USP12: variants seen among roughly 807,000 people sequenced by gnomAD.
USP12 encodes the protein ubiquitin carboxyl-terminal hydrolase 12.
Under a neutral mutation model 45.5 loss-of-function variants are expected in USP12, and 19 were observed. That is an observed-to-expected ratio of 0.42 (90% CI 0.29 to 0.61). The LOEUF (loss-of-function observed/expected upper bound fraction) is 0.61, where lower values mean the gene tolerates loss of function less well. Ranked by LOEUF, USP12 falls within the 20% of genes least tolerant of loss-of-function variation. The pLI is 0.22. For missense variants in USP12, 242 were observed against 447.7 expected (o/e 0.54, Z 4.15); for synonymous variants, 149 against 148.8 (o/e 1.00, Z -0.01).
chr13:27,157,320 A>G (rs972974728), intron 1 of USP12, among the ~76,000 whole-genome samples: 6 of 152,188 alleles, frequency 3.9e-5, no homozygotes, highest in Non-Finnish European at 8.8e-5. Flanking sequence ...AAATGGACCT[A>G]AGATCACAAA....
intron 1 of USP12, among the ~76,000 whole-genome samples, chr13:27,158,462 T>C (rs1363952070): frequency 6.6e-6 from 1 of 152,190 alleles, no homozygotes; most frequent in Admixed American, 6.5e-5. Context: ...AGAAATTGAC[T>C]GTTAAGCAAT....
In USP12 at chr13:27,097,181, A is replaced by AT. The variant is rs779802063; in HGVS notation, c.344-1352_344-1351insA. 1.7e-3 allele frequency among the ~76,000 whole-genome samples: 260 copies of AT among 151,174 alleles called. 2 individuals are homozygous for AT. The highest frequency in any genetic ancestry group is 3.0e-3 in the Non-Finnish European group (201 of 67,778). ...ATAGTAAGTTTAAAAAAAAAAAAAAAGCAGGCCAAGCGCAGTGGCTCATGC... is the reference window on the plus strand; with the variant it reads ...ATAGTAAGTTTAAAAAAAAAAAAAAATGCAGGCCAAGCGCAGTGGCTCATGC... On this transcript the variant is annotated intron_variant, in intron 3 of 8. Transcript: ENST00000282344.
chr13:27,126,075 T>C (rs1466810061), intron 1 of USP12, among the ~76,000 whole-genome samples: 3 of 152,370 alleles, frequency 2.0e-5, no homozygotes, highest in South Asian at 4.1e-4. Context: ...AGACAGCTTC[T>C]GCAGACGTAA....
At chr13:27,146,443 A>G (rs531270738) in intron 1 of USP12, among the ~76,000 whole-genome samples, 2 of 151,336 alleles carry the variant, frequency 1.3e-5, no homozygotes, top group Non-Finnish European at 3.0e-5. Flanking sequence ...GCTAAAGGCT[A>G]GGGGTATAAG....
intron 1 of USP12, among the ~76,000 whole-genome samples, chr13:27,164,319 T>C (rs1259256433): frequency 6.6e-6 from 1 of 152,216 alleles, no homozygotes; most frequent in African/African-American, 2.4e-5. Context: ...TTGTTTTCAG[T>C]TGGAAATAAA....
At chr13:27,147,336 T>C (rs1302317497) in intron 1 of USP12, among the ~76,000 whole-genome samples, 1 of 152,166 alleles carries the variant, frequency 6.6e-6, no homozygotes, top group African/African-American at 2.4e-5. Context: ...GTTTCCAATT[T>C]AGTTACGAAT....
intron 1 of USP12, among the ~76,000 whole-genome samples, chr13:27,118,678 CA>C (rs1407192609): frequency 6.6e-6 from 1 of 152,114 alleles, no homozygotes; most frequent in Non-Finnish European, 1.5e-5. Context: ...TTCCCCCGAC[CA>C]AAACAGAAGA....
At chr13:27,157,853 T>C (rs1355624245) in intron 1 of USP12, among the ~76,000 whole-genome samples, 2 of 152,172 alleles carry the variant, frequency 1.3e-5, no homozygotes, top group African/African-American at 4.8e-5. Flanking sequence ...AAATACAGCT[T>C]ATCAAGTTTG....
At chr13:27,160,346 C>A (rs1878048040) in intron 1 of USP12, among the ~76,000 whole-genome samples, 1 of 152,052 alleles carries the variant, frequency 6.6e-6, no homozygotes, top group Non-Finnish European at 1.5e-5. Context: ...TAAGTGAAGG[C>A]CTCTGCTTTA....
chr13:27,131,421 G>T (rs1876495243), intron 1 of USP12, among the ~76,000 whole-genome samples: 1 of 152,204 alleles, frequency 6.6e-6, no homozygotes, highest in Non-Finnish European at 1.5e-5. Context: ...ATGTGAAAGT[G>T]CTGTAAAACG....
In USP12 at chr13:27,171,694, G is replaced by A. The variant is rs933504893; in HGVS notation, c.-55C>T. 10 of 1,151,004 alleles carry A rather than the reference G, an allele frequency of 8.7e-6. No homozygotes were observed. The highest frequency in any genetic ancestry group is 8.6e-5 in the South Asian group (5 of 57,804). 71.3% of individuals were successfully genotyped at this position (1,151,004 alleles called of 1,614,324 possible). A position where few individuals can be genotyped will look rare whatever the true frequency, so the allele number is the denominator to read the frequency against. ...AGCGGCGGCGGCGGGCGGGGGAGGA[G>A]GGGAGCCGGGCCGCCCGCTCGCACC... On this transcript the variant is annotated 5_prime_UTR_variant, in exon 1 of 9. Transcript: ENST00000282344.
At chr13:27,079,150 T>C (rs1180546899) in intron 6 of USP12, among the ~76,000 whole-genome samples, 2 of 135,048 alleles carry the variant, frequency 1.5e-5, no homozygotes, top group Non-Finnish European at 3.1e-5. Context: ...TTAGGTCCTG[T>C]TCCCTAGAGC....
In USP12 at chr13:27,087,570, GCTCA is replaced by G. The variant is rs1391652555; in HGVS notation, c.734+2309_734+2312del. Among the ~76,000 whole-genome samples the G allele has an allele frequency of 2.0e-5, 3 of 152,212 alleles. No individual in the cohort carries two copies. The South Asian group carries it at 6.2e-4, about 32-fold the overall frequency. On this transcript the variant is annotated intron_variant, in intron 6 of 8. Coordinates refer to ENST00000282344, the MANE Select transcript of USP12 (RefSeq NM_182488.4). ...AAATACTCATCTATCCTCTAGCTCT[GCTCA>G]CTAAGCGGGCTCAGGAACAATGACA... is the stretch of plus-strand genomic sequence containing the variant.
intron 1 of USP12, among the ~76,000 whole-genome samples, chr13:27,140,897 T>C (rs1474602705): frequency 6.6e-6 from 1 of 151,564 alleles, no homozygotes; most frequent in African/African-American, 2.4e-5. Flanking sequence ...TTCAGAAACG[T>C]CACACAAGAA....
At chr13:27,102,475 A>G (rs749924156) in intron 3 of USP12, among the ~76,000 whole-genome samples, 3 of 152,192 alleles carry the variant, frequency 2.0e-5, no homozygotes, top group Non-Finnish European at 4.4e-5. Flanking sequence ...GGCTTTCCAA[A>G]TAAAACCCAA....
intron 3 of USP12, among the ~76,000 whole-genome samples, chr13:27,104,845 T>C (rs569376292): frequency 2.0e-5 from 3 of 152,344 alleles, no homozygotes; most frequent in African/African-American, 7.2e-5. Flanking sequence ...TGTGAGCGTC[T>C]ACTTAATAGG....
intron 3 of USP12, among the ~76,000 whole-genome samples, chr13:27,097,140 G>A (rs1874620252): frequency 6.7e-6 from 1 of 148,320 alleles, no homozygotes; most frequent in African/African-American, 2.5e-5. Flanking sequence ...AAAAACATGA[G>A]AAAATGTTCA....
chr13:27,127,048 C>A (rs570501011), intron 1 of USP12, among the ~76,000 whole-genome samples: 1 of 152,342 alleles, frequency 6.6e-6, no homozygotes, highest in South Asian at 2.1e-4. Flanking sequence ...GGGTTCTGCA[C>A]TGATCTGCAG....
intron 4 of USP12, among the ~76,000 whole-genome samples, chr13:27,092,502 T>G (rs1874363924): frequency 6.6e-6 from 1 of 151,952 alleles, no homozygotes; most frequent in African/African-American, 2.4e-5. Flanking sequence ...AGTGTGGTAG[T>G]GGGGAAAGAA....
Sources: gnomAD v4.1 joint callset for allele counts (sites outside exome capture counted in the v4.1 genomes callset) on GRCh38, gnomAD v4.1.1 for gene constraint, MANE v1.5 for transcripts, NCBI Gene and HGNC (gene_info 2026-07-23, HGNC 2026-07-21) for gene names.